The following TACC1 variants were observed in gnomAD, a reference collection of about 807,000 sequenced individuals.
The protein encoded by TACC1 is transforming acidic coiled-coil-containing protein 1.
In TACC1, 48 loss-of-function variants were observed where a neutral mutation model predicts 84.4. The ratio of observed to expected loss-of-function variants is 0.57; its 90% CI spans 0.45 to 0.72. The LOEUF (loss-of-function observed/expected upper bound fraction) is 0.72. Ranked by LOEUF, TACC1 falls within the 30% of genes least tolerant of loss-of-function variation. The pLI, the probability that TACC1 is intolerant of heterozygous loss-of-function variation, is 0.00. For synonymous variants in TACC1, 372 were observed against 376.3 expected, an observed-to-expected ratio of 0.99 and a Z score of 0.13; for missense variants, 920 against 973.0, an observed-to-expected ratio of 0.95 and a Z score of 0.72.
chr8:38,735,145 A>C (rs2151629892), intron 1 of TACC1, among the ~76,000 whole-genome samples: 1 of 152,342 alleles, frequency 6.6e-6, no homozygotes, highest in Non-Finnish European at 1.5e-5. Flanking sequence ...AAAAAGCATG[A>C]GATCTGCTTT....
chr8:38,807,369 A>G lies in TACC1; in HGVS notation c.278-12153A>G, dbSNP rs140811016. On this transcript the variant is annotated intron_variant, in intron 2 of 12. Coordinates refer to ENST00000317827, the MANE Select transcript of TACC1 (RefSeq NM_006283.3). ...GAAAGAGAGCCAGCGTGTGTATGTG[A>G]GAATACAGGAGACTTGTCCAAATTC... Among the ~76,000 whole-genome samples, 18 of 152,312 alleles carry G rather than the reference A, an allele frequency of 1.2e-4. No individual in the cohort carries two copies. In the East Asian group the frequency reaches 2.1e-3, roughly 18 times the overall value.
chr8:38,803,315 C>T (rs1420981073), intron 2 of TACC1, among the ~76,000 whole-genome samples: 1 of 152,188 alleles, frequency 6.6e-6, no homozygotes, highest in African/African-American at 2.4e-5. Flanking sequence ...GAGTAGAAGT[C>T]GCAAGAGCTG....
rs1833011242 is a variant in TACC1 at position 38,850,980 on chromosome 8, G to GAACA, written c.*2959_*2962dup. The GAACA allele has an allele frequency of 1.3e-5, 2 of 152,422 alleles. No individual in the cohort carries two copies. Among genetic ancestry groups the GAACA allele is most frequent in the South Asian group, 4.1e-4 (2 of 4,826 alleles). 9.4% of individuals were successfully genotyped at this position (152,422 alleles called of 1,614,324 possible). A position where few individuals can be genotyped will look rare whatever the true frequency, so the allele number is the denominator to read the frequency against. ...TGGGGAATGCAACGTGAGGCCAACTGAACAATTCCCCCCGTGGCTGCCCAG... is the reference window on the plus strand; with the variant it reads ...TGGGGAATGCAACGTGAGGCCAACTGAACAAACAATTCCCCCCGTGGCTGCCCAG... On this transcript the variant is annotated 3_prime_UTR_variant, in exon 13 of 13. Transcript: ENST00000317827.
intron 2 of TACC1, among the ~76,000 whole-genome samples, chr8:38,789,175 A>T (rs1286449389): frequency 6.6e-6 from 1 of 152,238 alleles, no homozygotes; most frequent in East Asian, 1.9e-4. Flanking sequence ...GGCTGGAGAC[A>T]AAAATTACAG....
chr8:38,826,131 A>G (rs1043166713), intron 4 of TACC1, among the ~76,000 whole-genome samples: 3 of 152,178 alleles, frequency 2.0e-5, no homozygotes, highest in Admixed American at 6.5e-5. Flanking sequence ...ATAGAGTTCA[A>G]TTTAACATAA....
At chr8:38,792,745 G>A (rs1029806070) in intron 2 of TACC1, among the ~76,000 whole-genome samples, 2 of 152,116 alleles carry the variant, frequency 1.3e-5, no homozygotes, top group Non-Finnish European at 2.9e-5. Context: ...GATTACAGGC[G>A]TGAGCCACCA....
At chr8:38,757,821 TC>T (rs1441311315) in intron 3 of TACC1, among the ~76,000 whole-genome samples, 1 of 152,180 alleles carries the variant, frequency 6.6e-6, no homozygotes, top group African/African-American at 2.4e-5. Flanking sequence ...GCGTTGGCCC[TC>T]GGGGTCCAGG....
intron 11 of TACC1, among the ~76,000 whole-genome samples, chr8:38,844,018 G>C (rs534620840): frequency 6.6e-6 from 1 of 152,188 alleles, no homozygotes; most frequent in East Asian, 1.9e-4. Context: ...TTTATCATTT[G>C]ATAGCCCTAG....
Position 38,840,271 on chromosome 8 carries a change from A to C in TACC1, c.1960+4A>C. 1 of 1,612,754 alleles carries C rather than the reference A, an allele frequency of 6.2e-7. No homozygotes were observed. The highest frequency in any genetic ancestry group is 8.5e-7 in the Non-Finnish European group (1 of 1,178,978). ...AAGACTATTGCTCAAATGATTGGTA[A>C]GGAGAACATTTTGTTTTTTGAGGGT... On this transcript the variant is annotated splice_donor_region_variant and intron_variant, in intron 9 of 12. Coordinates refer to ENST00000317827, the MANE Select transcript of TACC1 (RefSeq NM_006283.3).
intron 3 of TACC1, among the ~76,000 whole-genome samples, chr8:38,778,246 T>G (rs1172454080): frequency 6.7e-6 from 1 of 149,694 alleles, no homozygotes; most frequent in Non-Finnish European, 1.5e-5. Context: ...ACACCTGGCC[T>G]TTTGCTTTTT....
intron 3 of TACC1, among the ~76,000 whole-genome samples, chr8:38,753,736 C>T (rs1475097587): frequency 6.6e-6 from 1 of 152,156 alleles, no homozygotes; most frequent in Non-Finnish European, 1.5e-5. Flanking sequence ...GCAGCAAACC[C>T]AGTAAACAAC....
At chr8:38,827,056 C>T in intron 4 of TACC1, 112 bp from the exon 5 acceptor site, 1 of 869,072 alleles carries the variant, frequency 1.2e-6, no homozygotes, top group East Asian at 2.5e-5. Context: ...CTGTGGTTAA[C>T]CTCTCACATA....
At chr8:38,790,357 A>G (rs1818354318) in intron 2 of TACC1, among the ~76,000 whole-genome samples, 1 of 152,338 alleles carries the variant, frequency 6.6e-6, no homozygotes, top group African/African-American at 2.4e-5. Flanking sequence ...ATTCATAGGT[A>G]CTAGGAGTTG....
Position 38,827,775 on chromosome 8 carries a change from A to G in TACC1, c.1660+400A>G, listed in dbSNP as rs576877562. The G allele has an allele frequency of 3.2e-5, 6 of 186,166 alleles. No individual in the cohort carries two copies. In the South Asian group the frequency reaches 5.8e-4, roughly 18 times the overall value. 11.5% of individuals were successfully genotyped at this position (186,166 alleles called of 1,614,324 possible). A position where few individuals can be genotyped will look rare whatever the true frequency, so the allele number is the denominator to read the frequency against. On this transcript the variant is annotated intron_variant, in intron 5 of 12. Coordinates refer to ENST00000317827, the MANE Select transcript of TACC1 (RefSeq NM_006283.3). The stretch of plus-strand genomic sequence containing the variant: ...TGGTTCTGCAGACTGTAGAATAAGC[A>G]TGGCACCAGTGCCTGCTTCTGGTGA...
intron 3 of TACC1, among the ~76,000 whole-genome samples, chr8:38,757,579 C>G (rs1157316667): frequency 2.0e-5 from 3 of 151,990 alleles, no homozygotes; most frequent in Non-Finnish European, 4.4e-5. Context: ...AGCAGGGCCC[C>G]AGGGGCGTCC....
intron 3 of TACC1, among the ~76,000 whole-genome samples, chr8:38,781,854 G>A (rs1179356307): frequency 2.6e-5 from 4 of 152,018 alleles, no homozygotes; most frequent in Non-Finnish European, 4.4e-5. Context: ...GTTTCAGATG[G>A]TTTTCTTGTC....
chr8:38,833,282 C>G (rs1373096119), intron 6 of TACC1, among the ~76,000 whole-genome samples: 1 of 152,188 alleles, frequency 6.6e-6, no homozygotes, highest in Non-Finnish European at 1.5e-5. Flanking sequence ...ACTGCCCCAA[C>G]CAGAAACAGA....
chr8:38,754,886 G>A (rs1298622840), intron 3 of TACC1, among the ~76,000 whole-genome samples: 4 of 152,198 alleles, frequency 2.6e-5, no homozygotes, highest in African/African-American at 4.8e-5. Flanking sequence ...GATCTGGCCG[G>A]GCACAGTGGC....
At chr8:38,801,749 G>A (rs139831374) in intron 2 of TACC1, among the ~76,000 whole-genome samples, 2 of 152,130 alleles carry the variant, frequency 1.3e-5, no homozygotes, top group Non-Finnish European at 2.9e-5. Flanking sequence ...GTTAATTTTT[G>A]CAAAGAAGGC....
Sources: allele counts gnomAD v4.1 joint callset (sites outside exome capture counted in the v4.1 genomes callset), GRCh38; gene constraint gnomAD v4.1.1; transcripts MANE v1.5; gene names NCBI Gene and HGNC (gene_info 2026-07-23, HGNC 2026-07-21).